The following PTPRB variants were observed in gnomAD, a reference collection of about 807,000 sequenced individuals.
PTPRB encodes the protein receptor-type tyrosine-protein phosphatase beta.
A neutral mutation model predicts 238.1 loss-of-function variants in PTPRB; 97 were observed. The observed-to-expected ratio is 0.41, with a 90% confidence interval of 0.35 to 0.48. The LOEUF (loss-of-function observed/expected upper bound fraction) is 0.48. Among genes scored for constraint, PTPRB ranks in the 20% least tolerant of loss-of-function variants. PTPRB has a pLI of 0.30. For missense variants in PTPRB, 2,292 were observed against 2,681.9 expected, an observed-to-expected ratio of 0.85 and a Z score of 3.21; for synonymous variants, 970 against 995.4, an observed-to-expected ratio of 0.97 and a Z score of 0.48.
chr12:70,592,541 G>A lies in PTPRB; in HGVS notation c.1521C>T (p.Pro507=). 6.2e-7 allele frequency: 1 copy of A among 1,613,356 alleles called. No homozygotes were observed. Among genetic ancestry groups the A allele is most frequent in the Non-Finnish European group, 8.5e-7 (1 of 1,179,666 alleles). Reference sequence around the variant, plus strand: ...TCACCTTCAGATTTGAGACTTCCATGGGGGCTAATCAGGAAAGAACAGAAA... The same window carrying A: ...TCACCTTCAGATTTGAGACTTCCATAGGGGCTAATCAGGAAAGAACAGAAA... The part of the protein sequence containing the change: ...NYRWKLVRTA[P]MEVSNLKVTN... Residue 507 remains proline (P), a synonymous_variant, in exon 7 of 34, where the codon CCC becomes CCT. Coordinates refer to ENST00000334414, the MANE Select transcript of PTPRB (RefSeq NM_001109754.4).
At position 70,626,346 on chromosome 12, in the gene PTPRB, TCTA is replaced by T; in HGVS notation, c.452-3703_452-3701del. ...ATCTATCTATCTATCTATCTATCTA[TCTA>T]TCTATCTATCTATCTATATTCCTGC... On this transcript the variant is annotated intron_variant, in intron 2 of 33. Coordinates refer to ENST00000334414, the MANE Select transcript of PTPRB (RefSeq NM_001109754.4). 5.4e-5 allele frequency among the ~76,000 whole-genome samples: 8 copies of T among 147,052 alleles called. No homozygotes were observed. In the South Asian group the frequency reaches 8.8e-4, roughly 16 times the overall value.
At chr12:70,566,198 G>T (rs549252197) in intron 15 of PTPRB, among the ~76,000 whole-genome samples, 1 of 152,298 alleles carries the variant, frequency 6.6e-6, no homozygotes, top group South Asian at 2.1e-4. Context: ...TATTATAGCA[G>T]CAATAGGAAG....
At position 70,544,775 on chromosome 12, in the gene PTPRB, AAT is replaced by A. The variant is rs757261201; in HGVS notation, c.5388-114_5388-113del. 328 of 605,544 alleles carry A rather than the reference AAT, an allele frequency of 5.4e-4. 1 individual carries two copies. The highest frequency in any genetic ancestry group is 8.6e-4 in the Non-Finnish European group (309 of 358,006). The allele number at this position is 605,544 out of a possible 1,614,324, so 37.5% of individuals were successfully genotyped here. On this transcript the variant is annotated intron_variant, in intron 21 of 33. Coordinates refer to ENST00000334414, the MANE Select transcript of PTPRB (RefSeq NM_001109754.4). ...TCCTGGTCAGTGGGTAGCAGGGTAGAATATGAGTTATGGAATCGGATAGACCT... is the reference window on the plus strand; with the variant it reads ...TCCTGGTCAGTGGGTAGCAGGGTAGAATGAGTTATGGAATCGGATAGACCT...
chr12:70,516,330 A>G lies in PTPRB; in HGVS notation c.*5159T>C, dbSNP rs2136180805. 6.6e-6 allele frequency: 1 copy of G among 152,296 alleles called. No individual in the cohort carries two copies. The highest frequency in any genetic ancestry group is 2.4e-5 in the African/African-American group (1 of 41,564). 9.4% of individuals were successfully genotyped at this position (152,296 alleles called of 1,614,324 possible). A position where few individuals can be genotyped will look rare whatever the true frequency, so the allele number is the denominator to read the frequency against. On this transcript the variant is annotated 3_prime_UTR_variant, in exon 34 of 34. Transcript: ENST00000334414. ...GTCTATGAGCTGTGCACTAATTTCC[A>G]CAAGGTAGGAGTCGAGACGAGATTA...
intron 3 of PTPRB, among the ~76,000 whole-genome samples, chr12:70,611,539 A>G (rs547579555): frequency 6.6e-6 from 1 of 152,308 alleles, no homozygotes; most frequent in South Asian, 2.1e-4. Flanking sequence ...ACCTCAAGTG[A>G]TCGACCCGCC....
chr12:70,625,261 G>T (rs1196922127), intron 2 of PTPRB, among the ~76,000 whole-genome samples: 1 of 152,102 alleles, frequency 6.6e-6, no homozygotes, highest in Non-Finnish European at 1.5e-5. Flanking sequence ...TAAAGCAGTG[G>T]TTTGCAAACT....
intron 2 of PTPRB, among the ~76,000 whole-genome samples, chr12:70,625,207 A>G (rs1306848337): frequency 6.6e-6 from 1 of 152,206 alleles, no homozygotes; most frequent in Non-Finnish European, 1.5e-5. Flanking sequence ...GAAGCAAGAA[A>G]GAAGATTTAG....
chr12:70,595,958 TG>T, intron 5 of PTPRB, 90 bp downstream of exon 5: 1 of 1,192,676 alleles, frequency 8.4e-7, no homozygotes, highest in Non-Finnish European at 1.1e-6. Context: ...AACTTTGCTC[TG>T]GAGTAGCAAT....
In PTPRB at chr12:70,636,086, T is replaced by C. The variant is rs767969460; in HGVS notation, c.56-20A>G. 6.3e-7 allele frequency: 1 copy of C among 1,582,326 alleles called. No individual in the cohort carries two copies. The highest frequency in any genetic ancestry group is 1.2e-5 in the South Asian group (1 of 85,712). On this transcript the variant is annotated intron_variant, in intron 1 of 33. Coordinates refer to ENST00000334414, the MANE Select transcript of PTPRB (RefSeq NM_001109754.4). ...ACCCTTCTGGAAGATGAAAAGCTCA[T>C]AAAGCACTATGTAGCAAATTATGAG...
At chr12:70,596,843 A>G (rs901501494) in intron 4 of PTPRB, among the ~76,000 whole-genome samples, 2 of 152,120 alleles carry the variant, frequency 1.3e-5, no homozygotes, top group African/African-American at 4.8e-5. Context: ...AAAGATACAC[A>G]TCTGATTATA....
intron 2 of PTPRB, among the ~76,000 whole-genome samples, chr12:70,630,320 CAT>C (rs1289898001): frequency 6.6e-6 from 1 of 152,172 alleles, no homozygotes; most frequent in African/African-American, 2.4e-5. Context: ...ACAAAAACCA[CAT>C]GATTATCTCA....
intron 1 of PTPRB, among the ~76,000 whole-genome samples, chr12:70,636,584 ACATTT>A (rs1249634541): frequency 6.6e-6 from 1 of 152,216 alleles, no homozygotes; most frequent in Non-Finnish European, 1.5e-5. Flanking sequence ...AAAATTGCAT[ACATTT>A]ATCAAAAAAT....
At chr12:70,622,957 G>GT (rs1885014353) in intron 2 of PTPRB, among the ~76,000 whole-genome samples, 1 of 150,202 alleles carries the variant, frequency 6.7e-6, no homozygotes, top group Admixed American at 6.7e-5. Flanking sequence ...TTAGGGGGGG[G>GT]GTCACTGAAT....
At chr12:70,540,686 G>A in intron 23 of PTPRB, 172 bp downstream of exon 23, 1 of 597,870 alleles carries the variant, frequency 1.7e-6, no homozygotes, top group Non-Finnish European at 2.9e-6. Flanking sequence ...TAAAAGAGCT[G>A]AGAAAAGTGA....
intron 32 of PTPRB, among the ~76,000 whole-genome samples, chr12:70,529,983 T>G (rs1013229775): frequency 6.6e-6 from 1 of 151,994 alleles, no homozygotes; most frequent in East Asian, 1.9e-4. Context: ...TAGAGGAATA[T>G]ATTACCACCA....
At chr12:70,612,714 C>T (rs544895749) in intron 3 of PTPRB, among the ~76,000 whole-genome samples, 2 of 151,850 alleles carry the variant, frequency 1.3e-5, no homozygotes, top group African/African-American at 2.4e-5. Context: ...TGGCCAGGTG[C>T]GGTGGCTCAC....
intron 23 of PTPRB, 141 bp downstream of exon 23, chr12:70,540,717 C>A: frequency 1.5e-6 from 1 of 664,134 alleles, no homozygotes; most frequent in Non-Finnish European, 2.6e-6. Flanking sequence ...TAGAGTTTGA[C>A]TTGTTTTTAT....
chr12:70,530,847 C>T (rs1565903764), intron 32 of PTPRB, among the ~76,000 whole-genome samples: 1 of 152,064 alleles, frequency 6.6e-6, no homozygotes, highest in East Asian at 1.9e-4. Context: ...CCCAAAGCAC[C>T]AGGATTACAG....
chr12:70,608,336 C>A (rs1023559602), intron 4 of PTPRB, among the ~76,000 whole-genome samples: 13 of 152,128 alleles, frequency 8.5e-5, no homozygotes, highest in Non-Finnish European at 1.9e-4. Flanking sequence ...TACATGACAG[C>A]CCATACCTAA....
Sources: gnomAD v4.1 joint callset for allele counts (sites outside exome capture counted in the v4.1 genomes callset) on GRCh38, gnomAD v4.1.1 for gene constraint, MANE v1.5 for transcripts, NCBI Gene and HGNC (gene_info 2026-07-23, HGNC 2026-07-21) for gene names.